The following POLI variants were observed in gnomAD, a reference collection of about 807,000 sequenced individuals.
The protein encoded by POLI is DNA polymerase iota.
POLI carries 58 observed loss-of-function variants against 51.6 expected under a neutral mutation model. The observed-to-expected ratio is 1.12, with a 90% confidence interval of 0.91 to 1.40. The LOEUF is 1.40. Among genes scored for constraint, POLI ranks in the 40% most tolerant of loss-of-function variants. POLI has a pLI of 0.00. For synonymous variants in POLI, 322 were observed against 299.7 expected (o/e 1.07, Z -0.77); for missense variants, 921 against 871.3 (o/e 1.06, Z -0.72).
chr18:54,282,604 T>C (rs1192550330), intron 5 of POLI, among the ~76,000 whole-genome samples: 2 of 152,130 alleles, frequency 1.3e-5, no homozygotes, highest in African/African-American at 4.8e-5. Context: ...AATTAAACTT[T>C]ATCATAGGTA....
chr18:54,297,045 G>C lies in POLI; in HGVS notation c.*2578G>C, dbSNP rs1568151920. The C allele has an allele frequency of 4.1e-6, 4 of 985,388 alleles. No homozygotes were observed. The highest frequency in any genetic ancestry group is 4.8e-6 in the Non-Finnish European group (4 of 829,920). The allele number at this position is 985,388 out of a possible 1,614,324, so 61.0% of individuals were successfully genotyped here. ...TTGAGTTCGTTGCTTCTCTGGGTGA[G>C]GTGGTACAAACTCCTTGGCATACTC... On this transcript the variant is annotated 3_prime_UTR_variant, in exon 10 of 10. Coordinates refer to ENST00000579534, the MANE Select transcript of POLI (RefSeq NM_007195.3).
chr18:54,310,452 C>T (rs1380495213), intron 3 of POLI, among the ~76,000 whole-genome samples: 1 of 150,430 alleles, frequency 6.6e-6, no homozygotes, highest in Non-Finnish European at 1.5e-5. Context: ...GTGGAATTCT[C>T]TCTTATCCTG....
chr18:54,274,184 G>A, intron 3 of POLI, 94 bp downstream of exon 3: 1 of 589,676 alleles, frequency 1.7e-6, no homozygotes, highest in East Asian at 3.5e-5. Context: ...AATAACATAA[G>A]TCAAGATGCT....
At chr18:54,278,695 T>C (rs2087362253) in intron 4 of POLI, among the ~76,000 whole-genome samples, 2 of 152,240 alleles carry the variant, frequency 1.3e-5, no homozygotes, top group South Asian at 4.1e-4. Context: ...TGATGGTGTT[T>C]CCAGTGATAT....
intron 3 of POLI, among the ~76,000 whole-genome samples, chr18:54,275,506 A>G (rs2087201100): frequency 6.6e-6 from 1 of 152,350 alleles, no homozygotes; most frequent in East Asian, 1.9e-4. Flanking sequence ...TCATTGGTGC[A>G]ATACTATTTG....
intron 1 of POLI, chr18:54,270,676 C>T (rs1184863523): frequency 2.6e-5 from 4 of 152,042 alleles, no homozygotes; most frequent in African/African-American, 7.3e-5. Context: ...TGTATTTTGC[C>T]TGTCTTGTTT....
At chr18:54,300,313 T>A (rs2144627947), downstream of POLI, among the ~76,000 whole-genome samples, 1 of 149,448 alleles carries the variant, frequency 6.7e-6, no homozygotes, top group South Asian at 2.2e-4. Context: ...GGAGGGGAAG[T>A]ATATAATTTT....
chr18:54,319,498 T>C (rs2088769958), intron 3 of POLI, among the ~76,000 whole-genome samples: 1 of 152,156 alleles, frequency 6.6e-6, no homozygotes, highest in Non-Finnish European at 1.5e-5. Context: ...TCCAGTAATG[T>C]CTGAATATCT....
At chr18:54,273,661 AAAC>A (rs2087109002) in intron 2 of POLI, among the ~76,000 whole-genome samples, 1 of 152,098 alleles carries the variant, frequency 6.6e-6, no homozygotes, top group Non-Finnish European at 1.5e-5. Flanking sequence ...CAAGGAGACA[AAAC>A]AACTAGAGAT....
rs190242026 is a variant in POLI, at chr18:54,291,128, C to G, written c.1199-705C>G. Among the ~76,000 whole-genome samples, 227 of 152,278 alleles carry G rather than the reference C, an allele frequency of 1.5e-3. 2 individuals are homozygous for G. In the Middle Eastern group the frequency reaches 0.017, roughly 11 times the overall value. On this transcript the variant is annotated intron_variant, in intron 8 of 9. Transcript: ENST00000579534. ...GGCCTTCCATTTATTTGCATGTAGC[C>G]TCCTAGTCAACTAGGGTTGTACGGG...
intron 3 of POLI, among the ~76,000 whole-genome samples, chr18:54,306,429 T>A (rs1199402364): frequency 2.0e-5 from 3 of 152,232 alleles, no homozygotes. Context: ...TGAAGCCCAC[T>A]TGATCGTGGT....
intron 3 of POLI, among the ~76,000 whole-genome samples, 152 bp downstream of exon 3, chr18:54,274,242 T>C (rs1161367188): frequency 6.6e-6 from 1 of 152,132 alleles, no homozygotes; most frequent in East Asian, 1.9e-4. Context: ...TTAAAAATTA[T>C]GTGAAAGGAT....
At chr18:54,288,617 T>C (rs1052147157) in intron 8 of POLI, among the ~76,000 whole-genome samples, 2 of 152,062 alleles carry the variant, frequency 1.3e-5, no homozygotes, top group African/African-American at 4.8e-5. Flanking sequence ...TCTCTGCTGC[T>C]CTGTTTATTT....
chr18:54,298,006 G>C lies in POLI; in HGVS notation c.*3539G>C. On this transcript the variant is annotated 3_prime_UTR_variant, in exon 10 of 10. Transcript: ENST00000579534. Reference sequence around the variant, plus strand: ...CTAAGATAATATCTTTTACTTTGGAGATACGCAGTTTTTATTATATGTCTA... The same window carrying C: ...CTAAGATAATATCTTTTACTTTGGACATACGCAGTTTTTATTATATGTCTA... 1.0e-6 allele frequency: 1 copy of C among 978,516 alleles called. No individual in the cohort carries two copies. The highest frequency in any genetic ancestry group is 1.2e-6 in the Non-Finnish European group (1 of 823,748). The allele number at this position is 978,516 out of a possible 1,614,324, so 60.6% of individuals were successfully genotyped here. A position where few individuals can be genotyped will look rare whatever the true frequency, so the allele number is the denominator to read the frequency against.
intron 3 of POLI, among the ~76,000 whole-genome samples, chr18:54,311,619 T>C (rs963452919): frequency 4.6e-5 from 7 of 152,210 alleles, no homozygotes; most frequent in Non-Finnish European, 1.0e-4. Flanking sequence ...AGCCAGACTA[T>C]AGTGTTCTAC....
At chr18:54,293,041 A>G (rs2088102874) in intron 9 of POLI, among the ~76,000 whole-genome samples, 1 of 151,962 alleles carries the variant, frequency 6.6e-6, no homozygotes, top group Non-Finnish European at 1.5e-5. Context: ...ATGTTTACGG[A>G]GTTATATTTG....
chr18:54,291,734 C>A, intron 8 of POLI, 99 bp from the exon 9 acceptor site: 1 of 583,388 alleles, frequency 1.7e-6, no homozygotes, highest in Non-Finnish European at 3.0e-6. Flanking sequence ...TCAAGATGCC[C>A]AGTGATATTT....
chr18:54,308,576 C>T (rs1251955429), intron 3 of POLI, among the ~76,000 whole-genome samples: 8 of 91,616 alleles, frequency 8.7e-5, no homozygotes, highest in East Asian at 2.8e-4. Context: ...TTGCTCTTCT[C>T]GAGGAGTATC....
At chr18:54,314,087 G>A (rs1277165464) in intron 3 of POLI, among the ~76,000 whole-genome samples, 1 of 152,090 alleles carries the variant, frequency 6.6e-6, no homozygotes, top group Admixed American at 6.6e-5. Flanking sequence ...CTGTGTATTT[G>A]TCATAGATGG....
Sources: gnomAD v4.1 joint callset for allele counts (sites outside exome capture counted in the v4.1 genomes callset) on GRCh38, gnomAD v4.1.1 for gene constraint, MANE v1.5 for transcripts, NCBI Gene and HGNC (gene_info 2026-07-23, HGNC 2026-07-21) for gene names.